NTMT2: variants seen among roughly 807,000 people sequenced by gnomAD.
NTMT2 encodes N-terminal Xaa-Pro-Lys N-methyltransferase 2.
Under a neutral mutation model 23.4 loss-of-function variants are expected in NTMT2, and 21 were observed. That is an observed-to-expected ratio of 0.90 (90% CI 0.64 to 1.29). The LOEUF (loss-of-function observed/expected upper bound fraction) is 1.29. Ranked by LOEUF, NTMT2 falls within the 50% of genes most tolerant of loss-of-function variation. NTMT2 has a pLI of 0.00. For missense variants in NTMT2, 336 were observed against 352.0 expected, an observed-to-expected ratio of 0.95 and a Z score of 0.36; for synonymous variants, 131 against 127.7, an observed-to-expected ratio of 1.03 and a Z score of -0.17.
chr1:170,162,260 T>C (rs969498017), intron 2 of NTMT2, among the ~76,000 whole-genome samples: 1 of 152,222 alleles, frequency 6.6e-6, no homozygotes, highest in African/African-American at 2.4e-5. Context: ...TTGGTGCCCA[T>C]TTTATTCTGA....
intron 1 of NTMT2, among the ~76,000 whole-genome samples, chr1:170,152,575 T>A (rs1382935484): frequency 6.6e-6 from 1 of 152,032 alleles, no homozygotes; most frequent in Non-Finnish European, 1.5e-5. Context: ...ATAAGAAACA[T>A]CAGACACCTA....
rs1672960341 is a variant in NTMT2 at position 170,146,205 on chromosome 1, C to T, written c.98C>T (p.Ala33Val). The change falls in exon 1 of 4, where the codon GCC becomes GTC. Residue 33 changes from alanine to valine, a missense_variant. Transcript: ENST00000439373. ...RHSMSFILHK[A>V]IRNDFFQSYL... is the part of the protein sequence containing the mutation. ...AGCATGTCTTTTATCCTTCACAAAG[C>T]CATTCGCAATGACTTCTTTCAGAGC... 23 of 1,550,922 alleles carry T rather than the reference C, an allele frequency of 1.5e-5. No individual in the cohort carries two copies. The highest frequency in any genetic ancestry group is 2.0e-5 in the Non-Finnish European group (23 of 1,146,920).
At chr1:170,159,420 GGTTTTTTT>G (rs1673227179) in intron 1 of NTMT2, among the ~76,000 whole-genome samples, 1 of 88,224 alleles carries the variant, frequency 1.1e-5, no homozygotes, top group Admixed American at 1.4e-4. Flanking sequence ...TTTATGCTCT[GGTTTTTTT>G]TTTTTTTTTT....
intron 1 of NTMT2, among the ~76,000 whole-genome samples, chr1:170,153,121 C>T (rs1460681942): frequency 1.3e-5 from 2 of 152,182 alleles, no homozygotes; most frequent in South Asian, 2.1e-4. Context: ...CTAAGGCCTC[C>T]CCAGAAGCTG....
intron 1 of NTMT2, among the ~76,000 whole-genome samples, chr1:170,155,267 C>G (rs760119323): frequency 6.6e-6 from 1 of 152,108 alleles, no homozygotes; most frequent in Admixed American, 6.5e-5. Flanking sequence ...GAAGCTGAGG[C>G]TAACATGAGT....
intron 1 of NTMT2, chr1:170,158,176 C>T: frequency 6.6e-6 from 1 of 152,000 alleles, no homozygotes; most frequent in Non-Finnish European, 1.5e-5. Context: ...AATTTGATCT[C>T]AGAATATTGG....
chr1:170,149,141 T>A (rs983470097), intron 1 of NTMT2, among the ~76,000 whole-genome samples: 2 of 152,260 alleles, frequency 1.3e-5, no homozygotes, highest in Non-Finnish European at 2.9e-5. Flanking sequence ...CAAATATTAA[T>A]AAGACAGTTT....
chr1:170,164,327 T>A (rs1185232272), intron 2 of NTMT2, among the ~76,000 whole-genome samples: 1 of 152,154 alleles, frequency 6.6e-6, no homozygotes, highest in Non-Finnish European at 1.5e-5. Flanking sequence ...GCATGACCAA[T>A]AGAGGCTTTT....
chr1:170,146,348 A>T, intron 1 of NTMT2, 87 bp downstream of exon 1: 1 of 1,290,686 alleles, frequency 7.7e-7, no homozygotes. Context: ...GAGAATTTAA[A>T]ACAAGGACAC....
Position 170,146,035 on chromosome 1 carries a change from G to A in NTMT2, c.-73G>A. 1 of 1,371,052 alleles carries A rather than the reference G, an allele frequency of 7.3e-7. No homozygotes were observed. The highest frequency in any genetic ancestry group is 2.5e-5 in the East Asian group (1 of 39,376). The allele number at this position is 1,371,052 out of a possible 1,614,324, so 84.9% of individuals were successfully genotyped here. ...TGACAGTCTCAAGTTCATTTAGAAA[G>A]AGAAGGCTAATTCAAAGAAACAGCA... On this transcript the variant is annotated 5_prime_UTR_variant, in exon 1 of 4. Coordinates refer to ENST00000439373, the MANE Select transcript of NTMT2 (RefSeq NM_001136107.2).
intron 1 of NTMT2, among the ~76,000 whole-genome samples, chr1:170,157,129 A>T: frequency 6.6e-6 from 1 of 152,074 alleles, no homozygotes; most frequent in East Asian, 1.9e-4. Context: ...TCCCTGTTGA[A>T]TTTATAAGCA....
At chr1:170,146,665 G>C (rs1389429423) in intron 1 of NTMT2, among the ~76,000 whole-genome samples, 1 of 149,972 alleles carries the variant, frequency 6.7e-6, no homozygotes, top group African/African-American at 2.5e-5. Flanking sequence ...ACTAAATAAT[G>C]ATAGATCAAA....
rs1017875705 is a variant in NTMT2, at chr1:170,159,462, C to T, written c.155-1056C>T. 1.3e-4 allele frequency among the ~76,000 whole-genome samples: 13 copies of T among 98,956 alleles called. No homozygotes were observed. The South Asian group carries it at 1.5e-3, about 11-fold the overall frequency. 64.9% of individuals were successfully genotyped at this position (98,956 alleles called of 152,430 possible). Reference sequence around the variant, plus strand: ...TTTTTTTTTGGTTTCCATTCTCATTCGTACATTTGCCTTCCTGCTGATTCT... The same window carrying T: ...TTTTTTTTTGGTTTCCATTCTCATTTGTACATTTGCCTTCCTGCTGATTCT... On this transcript the variant is annotated intron_variant, in intron 1 of 3. Transcript: ENST00000439373.
At chr1:170,162,023 G>T (rs1473101637) in intron 2 of NTMT2, among the ~76,000 whole-genome samples, 1 of 152,218 alleles carries the variant, frequency 6.6e-6, no homozygotes, top group Non-Finnish European at 1.5e-5. Context: ...CCAGGAGGCG[G>T]AGATTGCAGT....
intron 1 of NTMT2, among the ~76,000 whole-genome samples, chr1:170,158,628 C>T (rs1393852107): frequency 6.6e-6 from 1 of 151,928 alleles, no homozygotes; most frequent in Non-Finnish European, 1.5e-5. Flanking sequence ...TCTTCTATTA[C>T]TTTCTTTAAT....
chr1:170,168,851 ATAATC>A lies in NTMT2; in HGVS notation c.*1098_*1102del, dbSNP rs1673448483. 6.6e-6 allele frequency among the ~76,000 whole-genome samples: 1 copy of A among 152,282 alleles called. No individual in the cohort carries two copies. Among genetic ancestry groups the A allele is most frequent in the Non-Finnish European group, 1.5e-5 (1 of 68,050 alleles). On this transcript the variant is annotated 3_prime_UTR_variant, in exon 4 of 4. Transcript: ENST00000439373. ...TAGCTGGACATTGGTTTAATTAAAAATAATCTAAAATCATTCAAAAAATGTAATTC... is the reference window on the plus strand; with the variant it reads ...TAGCTGGACATTGGTTTAATTAAAAATAAAATCATTCAAAAAATGTAATTC...
chr1:170,147,272 C>G (rs1401588624), intron 1 of NTMT2, among the ~76,000 whole-genome samples: 5 of 152,124 alleles, frequency 3.3e-5, no homozygotes, highest in African/African-American at 1.2e-4. Flanking sequence ...CTTTCTAAAA[C>G]TTTTTATCGT....
At chr1:170,150,626 A>G (rs1673050462) in intron 1 of NTMT2, among the ~76,000 whole-genome samples, 1 of 152,230 alleles carries the variant, frequency 6.6e-6, no homozygotes, top group Admixed American at 6.5e-5. Flanking sequence ...GGGCAGCAAT[A>G]TAAGTTTTAC....
chr1:170,158,604 G>C (rs547311692), intron 1 of NTMT2, among the ~76,000 whole-genome samples: 2 of 151,776 alleles, frequency 1.3e-5, no homozygotes, highest in Admixed American at 6.6e-5. Flanking sequence ...GTCTCTTTCA[G>C]CTCCAGGGAA....
Sources: gnomAD v4.1 joint callset for allele counts (sites outside exome capture counted in the v4.1 genomes callset) on GRCh38, gnomAD v4.1.1 for gene constraint, MANE v1.5 for transcripts, NCBI Gene and HGNC (gene_info 2026-07-23, HGNC 2026-07-21) for gene names.